FGD4: variants seen among roughly 807,000 people sequenced by gnomAD.
FGD4 encodes FYVE, RhoGEF and PH domain containing 4.
In FGD4, 42 loss-of-function variants were observed where a neutral mutation model predicts 102.0. The observed-to-expected ratio is 0.41, with a 90% CI of 0.32 to 0.53. FGD4 has a LOEUF of 0.53. Ranked by LOEUF, FGD4 falls within the 20% of genes least tolerant of loss-of-function variation. The probability of loss-of-function intolerance (pLI) is 0.21; values close to 1 mark genes in which losing one functional copy is unlikely to be tolerated. For synonymous variants in FGD4, 380 were observed against 375.7 expected, an observed-to-expected ratio of 1.01 and a Z score of -0.13; for missense variants, 902 against 1,078.2, an observed-to-expected ratio of 0.84 and a Z score of 2.29.
intron 14 of FGD4, among the ~76,000 whole-genome samples, chr12:32,627,539 G>A (rs548977430): frequency 1.3e-5 from 2 of 152,258 alleles, no homozygotes; most frequent in East Asian, 3.9e-4. Flanking sequence ...AGGAGATGGG[G>A]AGATTCAAGA....
At chr12:32,408,629 A>G (rs1941058534) in intron 1 of FGD4, among the ~76,000 whole-genome samples, 1 of 151,986 alleles carries the variant, frequency 6.6e-6, no homozygotes, top group Non-Finnish European at 1.5e-5. Context: ...TACTGTGTGG[A>G]TCTGCCTTGC....
intron 14 of FGD4, among the ~76,000 whole-genome samples, chr12:32,632,156 T>C (rs1168627950): frequency 6.6e-6 from 1 of 152,212 alleles, no homozygotes; most frequent in Non-Finnish European, 1.5e-5. Context: ...AATACACTTC[T>C]ATAAGCAAGA....
chr12:32,545,556 T>C (rs780026631), intron 1 of FGD4, among the ~76,000 whole-genome samples: 1 of 152,236 alleles, frequency 6.6e-6, no homozygotes, highest in Non-Finnish European at 1.5e-5. Context: ...ATTATGTAAA[T>C]GAATGAATGT....
chr12:32,633,724 TA>T, intron 15 of FGD4, 35 bp downstream of exon 15: 5 of 1,561,914 alleles, frequency 3.2e-6, no homozygotes, highest in Non-Finnish European at 4.4e-6. Context: ...TCTTTTAGAT[TA>T]TTTTTTTCCC....
intron 1 of FGD4, among the ~76,000 whole-genome samples, chr12:32,562,044 C>A (rs1049620637): frequency 2.6e-5 from 4 of 152,106 alleles, no homozygotes; most frequent in African/African-American, 7.2e-5. Flanking sequence ...AGTTTCAAAT[C>A]GAGCCATTCT....
chr12:32,454,159 C>T (rs1169329236), intron 1 of FGD4, among the ~76,000 whole-genome samples: 1 of 152,122 alleles, frequency 6.6e-6, no homozygotes, highest in African/African-American at 2.4e-5. Flanking sequence ...GATAACGAGA[C>T]ATGAGAGACA....
chr12:32,441,849 T>G (rs1379067708), intron 1 of FGD4, among the ~76,000 whole-genome samples: 1 of 152,068 alleles, frequency 6.6e-6, no homozygotes, highest in East Asian at 1.9e-4. Flanking sequence ...CTAGGGCTGG[T>G]TTAAACGCTC....
intron 1 of FGD4, among the ~76,000 whole-genome samples, chr12:32,413,202 A>C (rs1757442223): frequency 6.6e-6 from 1 of 152,108 alleles, no homozygotes; most frequent in Non-Finnish European, 1.5e-5. Context: ...TAAGTGCAGC[A>C]AACCACCATA....
chr12:32,416,013 C>A (rs773324655), intron 1 of FGD4, among the ~76,000 whole-genome samples: 8 of 152,010 alleles, frequency 5.3e-5, no homozygotes, highest in Non-Finnish European at 1.0e-4. Context: ...TTCAGCCTCT[C>A]CATGTCTTTG....
At chr12:32,537,994 GA>G (rs1317688955) in intron 1 of FGD4, among the ~76,000 whole-genome samples, 18 of 152,208 alleles carry the variant, frequency 1.2e-4, no homozygotes, top group East Asian at 1.9e-4. Flanking sequence ...CTCTCAGGCT[GA>G]AACGATCCTC....
At chr12:32,438,853 C>T (rs563506683) in intron 1 of FGD4, among the ~76,000 whole-genome samples, 2 of 152,136 alleles carry the variant, frequency 1.3e-5, no homozygotes, top group South Asian at 4.1e-4. Context: ...CGTGATCCGC[C>T]TGCCTTGGCC....
chr12:32,640,240 A>C, intron 16 of FGD4, 36 bp from the exon 17 acceptor site: 1 of 1,614,156 alleles, frequency 6.2e-7, no homozygotes, highest in East Asian at 2.2e-5. Context: ...AAGCGAATAC[A>C]TCACCTGCTT....
At chr12:32,501,265 A>G (rs1051991115) in intron 1 of FGD4, among the ~76,000 whole-genome samples, 14 of 152,222 alleles carry the variant, frequency 9.2e-5, no homozygotes, top group African/African-American at 2.7e-4. Context: ...TGTGTTGCTC[A>G]GGCTGGTGTC....
chr12:32,582,023 C>T lies in FGD4; in HGVS notation c.567C>T (p.Thr189=). Residue 189 remains threonine, a synonymous_variant, in exon 4 of 17, where the codon ACC becomes ACT. Transcript: ENST00000534526. ...ESAVNLNAPR[T]PGRHGLTTTP... The stretch of plus-strand genomic sequence containing the variant: ...CTGTGAACCTAAATGCTCCTAGAAC[C>T]CCAGGAAGGCATGGATTGACAACCA... The T allele has an allele frequency of 6.2e-7, 1 of 1,614,080 alleles. No homozygotes were observed. The highest frequency in any genetic ancestry group is 8.5e-7 in the Non-Finnish European group (1 of 1,180,006).
At chr12:32,472,763 G>C (rs1195992384) in intron 1 of FGD4, among the ~76,000 whole-genome samples, 1 of 152,256 alleles carries the variant, frequency 6.6e-6, no homozygotes, top group African/African-American at 2.4e-5. Context: ...CCTGAGTCTG[G>C]TGGGGACGTG....
At chr12:32,521,998 A>G (rs1940600516) in intron 1 of FGD4, among the ~76,000 whole-genome samples, 3 of 152,250 alleles carry the variant, frequency 2.0e-5, no homozygotes, top group Admixed American at 6.5e-5. Context: ...GAAAATTCCA[A>G]GCAAATAAAT....
At chr12:32,513,384 A>G (rs1420373388) in intron 1 of FGD4, among the ~76,000 whole-genome samples, 3 of 152,362 alleles carry the variant, frequency 2.0e-5, no homozygotes, top group Admixed American at 1.3e-4. Flanking sequence ...GCACCAGATT[A>G]TGTTAGTCTA....
At chr12:32,473,305 T>TTGCTA (rs1943478226) in intron 1 of FGD4, among the ~76,000 whole-genome samples, 1 of 151,950 alleles carries the variant, frequency 6.6e-6, no homozygotes, top group Non-Finnish European at 1.5e-5. Flanking sequence ...GCAATAACTC[T>TTGCTA]TGCTACTGCT....
chr12:32,445,151 A>G (rs73090121), intron 1 of FGD4, among the ~76,000 whole-genome samples: 6,637 of 152,296 alleles, frequency 0.044, 192 homozygotes, highest in Non-Finnish European at 0.064. Context: ...AAGAGACAGA[A>G]CAGCCCACTC....
Sources: gnomAD v4.1 joint callset for allele counts (sites outside exome capture counted in the v4.1 genomes callset) on GRCh38, gnomAD v4.1.1 for gene constraint, MANE v1.5 for transcripts, NCBI Gene and HGNC (gene_info 2026-07-23, HGNC 2026-07-21) for gene names.